FOXP2: variants seen among roughly 807,000 people sequenced by gnomAD.
FOXP2 encodes forkhead box P2, also known as forkhead box protein P2.
A neutral mutation model predicts 115.8 loss-of-function variants in FOXP2; 12 were observed. The observed-to-expected ratio is 0.10, with a 90% confidence interval of 0.07 to 0.17. The LOEUF (loss-of-function observed/expected upper bound fraction) is 0.17, where lower values mean the gene tolerates loss of function less well. FOXP2 is among the 10% of genes least tolerant of loss of function. FOXP2 has a pLI of 1.00. For missense variants in FOXP2, 629 were observed against 843.5 expected (o/e 0.75, Z 3.15); for synonymous variants, 328 against 297.7 (o/e 1.10, Z -1.05).
chr7:114,574,153 C>T (rs1468817988), intron 3 of FOXP2, among the ~76,000 whole-genome samples: 2 of 151,640 alleles, frequency 1.3e-5, no homozygotes, highest in Non-Finnish European at 3.0e-5. Flanking sequence ...ATTGTATGCA[C>T]TTATCTTTAT....
intron 2 of FOXP2, among the ~76,000 whole-genome samples, chr7:114,398,519 C>A (rs1792798981): frequency 6.6e-6 from 1 of 152,110 alleles, no homozygotes; most frequent in African/African-American, 2.4e-5. Flanking sequence ...AGGAAATTTG[C>A]AAATTGTAAA....
intron 2 of FOXP2, among the ~76,000 whole-genome samples, chr7:114,317,142 G>A (rs565881870): frequency 1.1e-3 from 174 of 152,206 alleles, no homozygotes; most frequent in Non-Finnish European, 2.1e-3. Context: ...CTCCACCCAT[G>A]TCCCCTGGTC....
intron 2 of FOXP2, among the ~76,000 whole-genome samples, chr7:114,460,521 A>G (rs150326787): frequency 6.6e-6 from 1 of 152,340 alleles, no homozygotes; most frequent in East Asian, 1.9e-4. Context: ...ACTGTAGTGC[A>G]GAGGTAAGAA....
At chr7:114,303,694 T>C (rs1049859704) in intron 2 of FOXP2, among the ~76,000 whole-genome samples, 4 of 152,198 alleles carry the variant, frequency 2.6e-5, no homozygotes, top group Admixed American at 6.5e-5. Flanking sequence ...AAAAATCTTA[T>C]TGATAATATA....
chr7:114,414,798 C>T (rs1267279772), upstream of FOXP2: 2 of 302,282 alleles, frequency 6.6e-6, no homozygotes, highest in Non-Finnish European at 1.3e-5. Flanking sequence ...ATAAGGGAAG[C>T]AAGAAGTGTA....
chr7:114,577,641 G>A (rs1038699671), intron 3 of FOXP2, among the ~76,000 whole-genome samples: 8 of 151,856 alleles, frequency 5.3e-5, no homozygotes, highest in African/African-American at 1.9e-4. Context: ...ACTTCCTCCT[G>A]ATCTCTCTTA....
At chr7:114,473,672 T>G (rs2129232132) in intron 2 of FOXP2, among the ~76,000 whole-genome samples, 1 of 152,186 alleles carries the variant, frequency 6.6e-6, no homozygotes, top group South Asian at 2.1e-4. Context: ...TTGAAATGAC[T>G]CCAAACCACA....
At chr7:114,188,821 A>G (rs1793682856) in intron 1 of FOXP2, among the ~76,000 whole-genome samples, 1 of 152,210 alleles carries the variant, frequency 6.6e-6, no homozygotes, top group Non-Finnish European at 1.5e-5. Flanking sequence ...GTAGATCAGT[A>G]AATATTTATT....
chr7:114,421,580 T>A (rs373223286), intron 1 of FOXP2, among the ~76,000 whole-genome samples: 17 of 151,682 alleles, frequency 1.1e-4, no homozygotes, highest in East Asian at 5.8e-4. Context: ...TAACAAATAC[T>A]TAATAAACAA....
At position 114,157,160 on chromosome 7, in the gene FOXP2, A is replaced by G. The variant is rs535447211; in HGVS notation, c.-246-5784A>G. On this transcript the variant is annotated intron_variant, in intron 1 of 19. Coordinates refer to the FOXP2 transcript ENST00000635638. Reference sequence around the variant, plus strand: ...TGTCAAATGACTCAGTAATTTCTTCATAATAAAGTTACATTGTTAAGAAAA... The same window carrying G: ...TGTCAAATGACTCAGTAATTTCTTCGTAATAAAGTTACATTGTTAAGAAAA... 2.0e-5 allele frequency among the ~76,000 whole-genome samples: 3 copies of G among 152,268 alleles called. No homozygotes were observed. In the East Asian group the frequency reaches 5.8e-4, roughly 29 times the overall value.
At chr7:114,250,597 T>C (rs1208109311) in intron 1 of FOXP2, among the ~76,000 whole-genome samples, 4 of 152,242 alleles carry the variant, frequency 2.6e-5, no homozygotes, top group African/African-American at 7.2e-5. Flanking sequence ...ATGTCTTATT[T>C]TGAGAAGTGT....
At position 114,252,314 on chromosome 7, in the gene FOXP2, C is replaced by T. The variant is rs543373861; in HGVS notation, c.-101-35705C>T. ...GGATGATGCTTGCCTCATAAAATGA[C>T]TTAGGGAGGATTCCCTCTTTTTCTA... On this transcript the variant is annotated intron_variant, in intron 1 of 17. Coordinates refer to the FOXP2 transcript ENST00000634411. Among the ~76,000 whole-genome samples, 6 of 152,158 alleles carry T rather than the reference C, an allele frequency of 3.9e-5. No individual in the cohort carries two copies. In the East Asian group the frequency reaches 9.7e-4, roughly 25 times the overall value.
At chr7:114,475,558 G>C (rs1476132359) in intron 2 of FOXP2, among the ~76,000 whole-genome samples, 3 of 151,990 alleles carry the variant, frequency 2.0e-5, no homozygotes, top group Admixed American at 6.6e-5. Flanking sequence ...GACCATAGGA[G>C]AAACTAAACG....
chr7:114,283,760 C>T (rs773152855), intron 1 of FOXP2, among the ~76,000 whole-genome samples: 11 of 151,944 alleles, frequency 7.2e-5, no homozygotes, highest in Admixed American at 4.6e-4. Flanking sequence ...CCCAGGAGGT[C>T]GAAACCAGCT....
intron 2 of FOXP2, among the ~76,000 whole-genome samples, chr7:114,449,437 A>T (rs1287034773): frequency 6.6e-6 from 1 of 152,082 alleles, no homozygotes. Flanking sequence ...ACACTTGTAC[A>T]TATCCCACTC....
intron 1 of FOXP2, among the ~76,000 whole-genome samples, chr7:114,230,342 A>C (rs1794843831): frequency 6.6e-6 from 1 of 151,938 alleles, no homozygotes; most frequent in South Asian, 2.1e-4. Context: ...CTAAAAACTG[A>C]AAAGGAAGGA....
At chr7:114,341,231 A>T (rs1457778778) in intron 2 of FOXP2, among the ~76,000 whole-genome samples, 1 of 151,268 alleles carries the variant, frequency 6.6e-6, no homozygotes, top group Non-Finnish European at 1.5e-5. Context: ...ATTAATAAGC[A>T]AGGATGAGGC....
At chr7:114,156,881 C>T (rs78210617) in intron 1 of FOXP2, among the ~76,000 whole-genome samples, 2,686 of 152,110 alleles carry the variant, frequency 0.018, 33 homozygotes, top group Non-Finnish European at 0.027. Flanking sequence ...TTAATGTTGA[C>T]TTAGAACTTT....
At chr7:114,641,225 A>G (rs1409532630) in intron 6 of FOXP2, among the ~76,000 whole-genome samples, 1 of 152,188 alleles carries the variant, frequency 6.6e-6, no homozygotes, top group African/African-American at 2.4e-5. Context: ...AGGATTAAAA[A>G]GCACAAGGTC....
Sources: allele counts gnomAD v4.1 joint callset (sites outside exome capture counted in the v4.1 genomes callset), GRCh38; gene constraint gnomAD v4.1.1; transcripts MANE v1.5; gene names NCBI Gene and HGNC (gene_info 2026-07-23, HGNC 2026-07-21).